DPYD: variants seen among roughly 807,000 people sequenced by gnomAD.
DPYD encodes dihydropyrimidine dehydrogenase [NADP(+)].
In DPYD, 109 loss-of-function variants were observed where a neutral mutation model predicts 116.2. The observed-to-expected ratio is 0.94, with a 90% CI of 0.80 to 1.10. DPYD has a LOEUF of 1.10. DPYD is among the 50% of genes least tolerant of loss of function. The probability of loss-of-function intolerance (pLI) is 0.00; values close to 1 mark genes in which losing one functional copy is unlikely to be tolerated. For missense variants in DPYD, 1,302 were observed against 1,254.5 expected (o/e 1.04, Z -0.57); for synonymous variants, 440 against 432.0 (o/e 1.02, Z -0.23).
intron 13 of DPYD, among the ~76,000 whole-genome samples, chr1:97,491,073 T>C (rs1228600497): frequency 6.7e-6 from 1 of 148,306 alleles, no homozygotes; most frequent in Non-Finnish European, 1.5e-5. Context: ...TTAAAAATAT[T>C]TATAATATAT....
intron 7 of DPYD, among the ~76,000 whole-genome samples, chr1:97,684,225 T>C (rs1209325132): frequency 6.6e-6 from 1 of 152,174 alleles, no homozygotes; most frequent in Non-Finnish European, 1.5e-5. Context: ...GAGATTCTGG[T>C]ACATTGTCTC....
intron 3 of DPYD, chr1:97,797,893 G>T (rs1011631775): frequency 6.6e-6 from 1 of 152,000 alleles, no homozygotes; most frequent in African/African-American, 2.4e-5. Context: ...AAGTTCTGAT[G>T]AGTAATATTT....
rs554977979 is a variant in DPYD, at chr1:97,604,386, TG to T, written c.851-9221del. On this transcript the variant is annotated intron_variant, in intron 8 of 22. Transcript: ENST00000370192. ...CTGAAATAATTTTATAGGTAGAAAA[TG>T]TAATTCACAAACATAGAAATTTGTC... 2.6e-5 allele frequency among the ~76,000 whole-genome samples: 4 copies of T among 152,230 alleles called. No individual in the cohort carries two copies. In the South Asian group the frequency reaches 6.2e-4, roughly 24 times the overall value.
At chr1:97,720,037 G>A (rs1218314338) in intron 5 of DPYD, 1 of 984,822 alleles carries the variant, frequency 1.0e-6, no homozygotes, top group East Asian at 1.1e-4. Context: ...CTCTGGGAAT[G>A]AGTGGTAGAA....
intron 20 of DPYD, among the ~76,000 whole-genome samples, chr1:97,138,484 T>C (rs768866185): frequency 2.0e-5 from 3 of 152,090 alleles, no homozygotes; most frequent in Non-Finnish European, 4.4e-5. Flanking sequence ...TTCATCCGGT[T>C]AGAAGTATAA....
chr1:97,719,766 T>C, intron 5 of DPYD: 1 of 985,082 alleles, frequency 1.0e-6, no homozygotes, highest in Non-Finnish European at 1.2e-6. Flanking sequence ...TCTCAGTAGT[T>C]CCCACGAGGA....
intron 12 of DPYD, among the ~76,000 whole-genome samples, chr1:97,544,434 C>T (rs1650674733): frequency 6.6e-6 from 1 of 152,134 alleles, no homozygotes; most frequent in African/African-American, 2.4e-5. Context: ...ATCCAAAATT[C>T]TTACATGGCA....
At chr1:97,299,144 G>A (rs946486259) in intron 18 of DPYD, among the ~76,000 whole-genome samples, 3 of 152,060 alleles carry the variant, frequency 2.0e-5, no homozygotes, top group African/African-American at 7.2e-5. Context: ...TACCTACACT[G>A]ATTTTTTAGT....
At chr1:97,195,657 T>C (rs1222924091) in intron 19 of DPYD, among the ~76,000 whole-genome samples, 1 of 23,538 alleles carries the variant, frequency 4.2e-5, no homozygotes, top group African/African-American at 1.5e-4. Flanking sequence ...TATATATATA[T>C]ATATATATAT....
chr1:97,315,355 T>TG (rs1478419983), intron 16 of DPYD, among the ~76,000 whole-genome samples: 1 of 151,826 alleles, frequency 6.6e-6, no homozygotes, highest in African/African-American at 2.4e-5. Flanking sequence ...TTCCGGTGAA[T>TG]GTGGGACTCC....
At chr1:97,291,606 A>G (rs1439296846) in intron 18 of DPYD, among the ~76,000 whole-genome samples, 38 of 151,194 alleles carry the variant, frequency 2.5e-4, no homozygotes, top group Non-Finnish European at 5.0e-4. Flanking sequence ...CAAACACCGC[A>G]TTTTCTCACT....
intron 18 of DPYD, among the ~76,000 whole-genome samples, chr1:97,253,145 A>G (rs1202451258): frequency 1.3e-5 from 2 of 152,180 alleles, no homozygotes; most frequent in Non-Finnish European, 2.9e-5. Flanking sequence ...AAGTTTAATT[A>G]TTCACAATGG....
chr1:97,782,162 C>T (rs1483045435), intron 3 of DPYD, among the ~76,000 whole-genome samples: 1 of 152,164 alleles, frequency 6.6e-6, no homozygotes, highest in Non-Finnish European at 1.5e-5. Context: ...TCTTCCTCAT[C>T]CTCTCACACT....
At chr1:97,301,763 T>A (rs1317455663) in intron 18 of DPYD, among the ~76,000 whole-genome samples, 2 of 151,952 alleles carry the variant, frequency 1.3e-5, no homozygotes, top group African/African-American at 4.8e-5. Context: ...GACTGATTCT[T>A]AACCAGCTCT....
At position 97,482,399 on chromosome 1, in the gene DPYD, A is replaced by C. The variant is rs80250871; in HGVS notation, c.1741-32176T>G. On this transcript the variant is annotated intron_variant, in intron 13 of 22. Coordinates refer to ENST00000370192, the MANE Select transcript of DPYD (RefSeq NM_000110.4). ...TAGAGTTTAAGATTGCTACAATTCT[A>C]TAAGTATTGACTGACATCATTAGAT... Among the ~76,000 whole-genome samples the C allele has an allele frequency of 2.5e-3, 378 of 152,352 alleles. 7 individuals are homozygous for C. The East Asian group carries it at 0.04, about 16-fold the overall frequency.
At chr1:97,157,892 A>G (rs370939237) in intron 20 of DPYD, among the ~76,000 whole-genome samples, 1 of 152,130 alleles carries the variant, frequency 6.6e-6, no homozygotes, top group Admixed American at 6.6e-5. Context: ...CAGGTGATAT[A>G]TATCTGCAAC....
chr1:97,409,377 C>T (rs781397865), intron 14 of DPYD, among the ~76,000 whole-genome samples: 14 of 152,024 alleles, frequency 9.2e-5, no homozygotes, highest in Non-Finnish European at 1.9e-4. Flanking sequence ...ATGGTAAGCT[C>T]CTAGAGAACA....
intron 1 of DPYD, among the ~76,000 whole-genome samples, chr1:97,910,380 G>A (rs894442083): frequency 1.3e-5 from 2 of 151,986 alleles, no homozygotes; most frequent in Non-Finnish European, 2.9e-5. Context: ...TATTGTCAAA[G>A]AGATAAATCA....
intron 8 of DPYD, among the ~76,000 whole-genome samples, chr1:97,628,998 T>G (rs1043441946): frequency 1.3e-5 from 2 of 152,064 alleles, no homozygotes; most frequent in Non-Finnish European, 2.9e-5. Flanking sequence ...ATAACTCATA[T>G]GATTTAACAT....
Sources: allele counts gnomAD v4.1 joint callset (sites outside exome capture counted in the v4.1 genomes callset), GRCh38; gene constraint gnomAD v4.1.1; transcripts MANE v1.5; gene names NCBI Gene and HGNC (gene_info 2026-07-23, HGNC 2026-07-21).